GPRC6A: variants seen among roughly 807,000 people sequenced by gnomAD.
The protein encoded by GPRC6A is G protein-coupled receptor family C group 6 member A.
A neutral mutation model predicts 47.0 loss-of-function variants in GPRC6A; 54 were observed. That is an observed-to-expected ratio of 1.15 (90% CI 0.92 to 1.44). The LOEUF is 1.44. GPRC6A is among the 40% of genes most tolerant of loss of function. GPRC6A has a pLI of 0.00. For synonymous variants in GPRC6A, 347 were observed against 377.1 expected (o/e 0.92, Z 0.93); for missense variants, 1,112 against 1,105.5 (o/e 1.01, Z -0.08).
chr6:116,813,258 T>C (rs936402347), intron 1 of GPRC6A, among the ~76,000 whole-genome samples: 21 of 152,174 alleles, frequency 1.4e-4, no homozygotes, highest in African/African-American at 4.8e-4. Context: ...AAAAACTTAC[T>C]TTAAAGTTCA....
intron 1 of GPRC6A, among the ~76,000 whole-genome samples, chr6:116,814,850 A>G (rs1433734492): frequency 2.6e-5 from 4 of 152,200 alleles, no homozygotes; most frequent in Non-Finnish European, 2.9e-5. Context: ...TTACATATAA[A>G]AGCACATATA....
chr6:116,797,576 C>T (rs1390443229), intron 4 of GPRC6A, among the ~76,000 whole-genome samples: 1 of 152,164 alleles, frequency 6.6e-6, no homozygotes, highest in Non-Finnish European at 1.5e-5. Context: ...AGACTTGTCT[C>T]TCTGTTTGTA....
chr6:116,817,822 G>A (rs1275340429), intron 1 of GPRC6A, among the ~76,000 whole-genome samples: 1 of 152,010 alleles, frequency 6.6e-6, no homozygotes, highest in Non-Finnish European at 1.5e-5. Flanking sequence ...GAGAAGGGAA[G>A]GTTAGAGAAA....
At chr6:116,810,694 A>G (rs58975148) in intron 1 of GPRC6A, among the ~76,000 whole-genome samples, 1,667 of 151,994 alleles carry the variant, frequency 0.011, 32 homozygotes, top group African/African-American at 0.038. Flanking sequence ...AAGAAAGTAT[A>G]TCAAAACCCT....
intron 2 of GPRC6A, among the ~76,000 whole-genome samples, chr6:116,808,780 A>G (rs1235810060): frequency 6.6e-6 from 1 of 152,122 alleles, no homozygotes; most frequent in African/African-American, 2.4e-5. Context: ...AAGAGACTTA[A>G]TTGACTCTGA....
chr6:116,802,354 T>C (rs1286063080), intron 3 of GPRC6A, among the ~76,000 whole-genome samples: 2 of 152,110 alleles, frequency 1.3e-5, no homozygotes, highest in African/African-American at 4.8e-5. Context: ...TTTAAAAAAA[T>C]TTTCATGGAG....
At position 116,828,867 on chromosome 6, in the gene GPRC6A, C is replaced by T; in HGVS notation, c.147G>A (p.Leu49=). 6.2e-7 allele frequency: 1 copy of T among 1,613,120 alleles called. No individual in the cohort carries two copies. Among genetic ancestry groups the T allele is most frequent in the Non-Finnish European group, 8.5e-7 (1 of 1,179,442 alleles). Residue 49 remains leucine, a synonymous_variant, in exon 1 of 6, where the codon TTG becomes TTA. Coordinates refer to ENST00000310357, the MANE Select transcript of GPRC6A (RefSeq NM_148963.4). ...GTCGTCTGGGAGAGTCTTCTGAGGACAACATTTTTTCATGAATAGCAAACA... is the reference window on the plus strand; with the variant it reads ...GTCGTCTGGGAGAGTCTTCTGAGGATAACATTTTTTCATGAATAGCAAACA... ...GGLFAIHEKM[L]SSEDSPRRPQ...
At chr6:116,806,080 C>T (rs17078388) in intron 3 of GPRC6A, among the ~76,000 whole-genome samples, 4,152 of 151,814 alleles carry the variant, frequency 0.027, 175 homozygotes, top group African/African-American at 0.095. Flanking sequence ...CATTTAAAAG[C>T]GATAATTTAT....
intron 4 of GPRC6A, among the ~76,000 whole-genome samples, chr6:116,796,966 C>T (rs1772508343): frequency 6.6e-6 from 1 of 152,232 alleles, no homozygotes; most frequent in African/African-American, 2.4e-5. Flanking sequence ...ATGTGCCATG[C>T]TGGTGCGCTG....
At position 116,809,444 on chromosome 6, in the gene GPRC6A, G is replaced by C. The variant is rs915481498; in HGVS notation, c.368C>G (p.Ser123Cys). The C allele has an allele frequency of 6.2e-7, 1 of 1,613,548 alleles. No individual in the cohort carries two copies. ...ACACTTAAACTCCACAGTTTCTCTGGAGCAGTTGAATTTAGAAAGAAACCT... is the reference window on the plus strand; with the variant it reads ...ACACTTAAACTCCACAGTTTCTCTGCAGCAGTTGAATTTAGAAAGAAACCT... ...TLRFLSKFNC[S>C]RETVEFKCDY... The change falls in exon 2 of 6, where the codon TCC (serine) becomes TGC (cysteine). Residue 123 changes from serine to cysteine, a missense_variant. Coordinates refer to ENST00000310357, the MANE Select transcript of GPRC6A (RefSeq NM_148963.4).
chr6:116,816,164 G>T (rs1161539442), intron 1 of GPRC6A, among the ~76,000 whole-genome samples: 1 of 152,200 alleles, frequency 6.6e-6, no homozygotes, highest in East Asian at 1.9e-4. Context: ...GTCTCCCAGT[G>T]TCTTAACTAA....
At position 116,828,882 on chromosome 6, in the gene GPRC6A, A is replaced by C. The variant is rs1773755082; in HGVS notation, c.132T>G (p.Ile44Met). Residue 44 changes from isoleucine to methionine, a missense_variant, in exon 1 of 6, where the codon ATT (isoleucine) becomes ATG (methionine). Physicochemically the swap from Ile to Met is conservative, Grantham distance 10. Coordinates refer to ENST00000310357, the MANE Select transcript of GPRC6A (RefSeq NM_148963.4). Reference protein sequence around the residue: ...GHIIIGGLFAIHEKMLSSEDS... With the variant: ...GHIIIGGLFAMHEKMLSSEDS... ...CTTCTGAGGACAACATTTTTTCATG[A>C]ATAGCAAACAAACCTCCAATTATGA... The C allele has an allele frequency of 6.2e-7, 1 of 1,613,180 alleles. No individual in the cohort carries two copies. Among genetic ancestry groups the C allele is most frequent in the African/African-American group, 1.3e-5 (1 of 74,856 alleles).
chr6:116,824,094 G>A (rs1773597097), intron 1 of GPRC6A, among the ~76,000 whole-genome samples: 1 of 151,946 alleles, frequency 6.6e-6, no homozygotes, highest in Admixed American at 6.6e-5. Flanking sequence ...GTGGGATACA[G>A]CAAAAGCAGT....
chr6:116,822,052 A>G (rs1159816786), intron 1 of GPRC6A, among the ~76,000 whole-genome samples: 1 of 146,108 alleles, frequency 6.8e-6, no homozygotes, highest in African/African-American at 2.6e-5. Flanking sequence ...TGGGTGAAGG[A>G]CATGAACAGA....
chr6:116,822,882 A>G lies in GPRC6A; in HGVS notation c.194+5938T>C, dbSNP rs573212244. On this transcript the variant is annotated intron_variant, in intron 1 of 5. Coordinates refer to ENST00000310357, the MANE Select transcript of GPRC6A (RefSeq NM_148963.4). ...TAATAATAAAAAAAAAGAAACAATT[A>G]CTAGTCTCTAAAAAAAAAAAAAAAA... Among the ~76,000 whole-genome samples, 370 of 139,842 alleles carry G rather than the reference A, an allele frequency of 2.6e-3. 2 individuals are homozygous for G. The highest frequency in any genetic ancestry group is 4.3e-3 in the Non-Finnish European group (275 of 64,438). 91.7% of individuals were successfully genotyped at this position (139,842 alleles called of 152,430 possible). A position where few individuals can be genotyped will look rare whatever the true frequency, so the allele number is the denominator to read the frequency against.
At chr6:116,821,459 A>G (rs1439015691) in intron 1 of GPRC6A, among the ~76,000 whole-genome samples, 1 of 152,128 alleles carries the variant, frequency 6.6e-6, no homozygotes, top group Admixed American at 6.5e-5. Context: ...ACTTCAAACT[A>G]TACTACAAGG....
intron 1 of GPRC6A, among the ~76,000 whole-genome samples, chr6:116,816,288 A>G (rs1487262716): frequency 6.6e-6 from 1 of 152,252 alleles, no homozygotes; most frequent in African/African-American, 2.4e-5. Context: ...CAATGGGAGT[A>G]CAGGCATTTG....
In GPRC6A at chr6:116,806,713, C is replaced by T. The variant is rs748301096; in HGVS notation, c.992G>A (p.Gly331Glu). The change falls in exon 3 of 6, where the codon GGG (glycine) becomes GAG (glutamate). Residue 331 changes from glycine to glutamate, a missense_variant. Gly to Glu is a moderately conservative substitution (Grantham distance 98, BLOSUM62 -2). Transcript: ENST00000310357. ...AAAGGAATGGAAAGAGGATATATTC[C>T]CTCTTCTAAAGGCAAACCCTACAAC... ...GKVVGFAFRR[G>E]NISSFHSFLQ... The T allele has an allele frequency of 7.4e-6, 12 of 1,613,310 alleles. No individual in the cohort carries two copies. The highest frequency in any genetic ancestry group is 1.0e-5 in the Non-Finnish European group (12 of 1,179,642).
chr6:116,793,974 A>G (rs1469398133), intron 5 of GPRC6A, among the ~76,000 whole-genome samples: 2 of 152,196 alleles, frequency 1.3e-5, no homozygotes, highest in Non-Finnish European at 2.9e-5. Flanking sequence ...GTAGTGGGTA[A>G]ATCAGAGCCT....
Sources: allele counts gnomAD v4.1 joint callset (sites outside exome capture counted in the v4.1 genomes callset), GRCh38; gene constraint gnomAD v4.1.1; transcripts MANE v1.5; gene names NCBI Gene and HGNC (gene_info 2026-07-23, HGNC 2026-07-21).